GNAS-AS1: variants seen among roughly 807,000 people sequenced by gnomAD.
GNAS-AS1 encodes the protein GNAS antisense RNA 1.
chr20:58,827,016 T>G (rs1380830532), intron 4 of GNAS-AS1: 1 of 151,828 alleles, frequency 6.6e-6, no homozygotes, highest in African/African-American at 2.4e-5. Flanking sequence ...CTGGCTGAAC[T>G]ATGTTATTTC....
chr20:58,836,717 G>C (rs557641360), intron 4 of GNAS-AS1, among the ~76,000 whole-genome samples: 1 of 152,348 alleles, frequency 6.6e-6, no homozygotes, highest in East Asian at 1.9e-4. Context: ...AGCATCTGCT[G>C]TACGGCTCCA....
At chr20:58,836,579 C>G (rs1306147334) in intron 4 of GNAS-AS1, 1 of 152,242 alleles carries the variant, frequency 6.6e-6, no homozygotes, top group Non-Finnish European at 1.5e-5. Context: ...TATTTACCAG[C>G]AGACAGAGAG....
exon 1 of GNAS-AS1, chr20:58,850,863 C>T (rs2086135626): frequency 2.5e-6 from 1 of 398,918 alleles, no homozygotes; most frequent in East Asian, 3.6e-5. Context: ...TCCAACCACC[C>T]CAGCAGCACC....
chr20:58,827,737 A>C (rs1294974652), intron 4 of GNAS-AS1, among the ~76,000 whole-genome samples: 3 of 152,230 alleles, frequency 2.0e-5, no homozygotes, highest in Admixed American at 2.0e-4. Flanking sequence ...AATGAAACAC[A>C]TGAAACTATG....
intron 4 of GNAS-AS1, among the ~76,000 whole-genome samples, chr20:58,831,110 A>G (rs908436849): frequency 1.3e-5 from 2 of 152,204 alleles, no homozygotes; most frequent in African/African-American, 4.8e-5. Context: ...ACCCAAAAGA[A>G]TAAACTAAAA....
intron 2 of GNAS-AS1, among the ~76,000 whole-genome samples, chr20:58,847,745 T>C (rs2085990884): frequency 6.6e-6 from 1 of 152,194 alleles, no homozygotes; most frequent in Non-Finnish European, 1.5e-5. Flanking sequence ...TCCCTTCCCT[T>C]TCACCCACCT....
In GNAS-AS1 at chr20:58,834,080, T is replaced by A. The variant is rs1018234423; in HGVS notation, n.819+7857A>T. 2.6e-5 allele frequency: 4 copies of A among 152,108 alleles called. No homozygotes were observed. In the South Asian group the frequency reaches 8.3e-4, roughly 32 times the overall value. The allele number at this position is 152,108 out of a possible 1,614,324, so 9.4% of individuals were successfully genotyped here. ...GCCTAAACCGTGACAACACTAAGGG[T>A]TTCTCCCCTCCGGGCTCGAGGCGCG... On this transcript the variant is annotated intron_variant and non_coding_transcript_variant, in intron 4 of 4. Coordinates refer to ENST00000424094, the Ensembl canonical transcript of GNAS-AS1.
At chr20:58,850,716 C>CCCAA (rs2086125778) in exon 1 of GNAS-AS1, 1 of 398,828 alleles carries the variant, frequency 2.5e-6, no homozygotes, top group African/African-American at 2.1e-5. Context: ...CATCAACACA[C>CCCAA]CCAAGGGTTG....
intron 4 of GNAS-AS1, among the ~76,000 whole-genome samples, chr20:58,837,227 G>A (rs969082576): frequency 6.6e-6 from 1 of 152,138 alleles, no homozygotes; most frequent in African/African-American, 2.4e-5. Context: ...TCCATATGCT[G>A]TCGATGGAGC....
chr20:58,836,556 T>C (rs367571659), intron 4 of GNAS-AS1: 3 of 152,234 alleles, frequency 2.0e-5, no homozygotes, highest in Non-Finnish European at 4.4e-5. Context: ...GCAAGTGATA[T>C]ATGCCCATAC....
chr20:58,833,284 G>A (rs1285776837), intron 4 of GNAS-AS1, among the ~76,000 whole-genome samples: 2 of 152,132 alleles, frequency 1.3e-5, no homozygotes, highest in Admixed American at 6.5e-5. Flanking sequence ...GAGAAGTGAC[G>A]GCTGCTTCCT....
chr20:58,840,642 C>A lies in GNAS-AS1; in HGVS notation n.819+1295G>T, dbSNP rs749569559. 5 of 1,605,558 alleles carry A rather than the reference C, an allele frequency of 3.1e-6. No individual in the cohort carries two copies. In the South Asian group the frequency reaches 4.4e-5, roughly 14 times the overall value. On this transcript the variant is annotated intron_variant and non_coding_transcript_variant, in intron 4 of 4. Transcript: ENST00000424094. The surrounding 1 kb of genome is among the most constrained non-coding windows in gnomAD (Gnocchi z 6.0). ...CCCGACGCCTCCCCAAGTCGCGCGC[C>A]GCCCAGCACTCAGGAGCCCCAGAGC...
intron 4 of GNAS-AS1, among the ~76,000 whole-genome samples, chr20:58,832,617 G>A (rs961087960): frequency 7.2e-5 from 11 of 152,108 alleles, no homozygotes; most frequent in East Asian, 1.9e-4. Flanking sequence ...GGAAAATGTC[G>A]CAATTTCACT....
intron 4 of GNAS-AS1, among the ~76,000 whole-genome samples, chr20:58,825,097 G>A (rs894982856): frequency 6.6e-6 from 1 of 152,232 alleles, no homozygotes; most frequent in Non-Finnish European, 1.5e-5. Context: ...GGTAAAGGCA[G>A]ATCAAGACAA....
At chr20:58,835,089 A>C (rs1336717135) in intron 4 of GNAS-AS1, among the ~76,000 whole-genome samples, 2 of 151,414 alleles carry the variant, frequency 1.3e-5, no homozygotes, top group Non-Finnish European at 2.9e-5. Flanking sequence ...CTCTCTGGGG[A>C]ACAGGCGGGA....
exon 5 of GNAS-AS1, chr20:58,818,945 C>T (rs1238464483): frequency 1.8e-5 from 7 of 398,070 alleles, no homozygotes; most frequent in Admixed American, 8.8e-5. Context: ...GAGGGCCTGC[C>T]GGGCCTTTAT....
intron 2 of GNAS-AS1, among the ~76,000 whole-genome samples, chr20:58,846,945 C>G (rs2085963268): frequency 6.6e-6 from 1 of 152,174 alleles, no homozygotes; most frequent in Non-Finnish European, 1.5e-5. Flanking sequence ...CCACTTTTGC[C>G]TCTCTCTTAG....
chr20:58,842,275 TG>T (rs2085768334), intron 3 of GNAS-AS1: 1 of 397,948 alleles, frequency 2.5e-6, no homozygotes, highest in African/African-American at 2.1e-5. Context: ...ACTTGGAAAT[TG>T]ATTTTTTTTT....
chr20:58,850,882 C>T (rs529489816), exon 1 of GNAS-AS1: 2 of 398,784 alleles, frequency 5.0e-6, no homozygotes, highest in East Asian at 7.1e-5. Flanking sequence ...CCTCTTCGGG[C>T]GTTCCAACGC....
Sources: allele counts gnomAD v4.1 joint callset (sites outside exome capture counted in the v4.1 genomes callset), GRCh38; gene constraint gnomAD v4.1.1; non-coding constraint Gnocchi (gnomAD v3.1); transcripts MANE v1.5; gene names NCBI Gene and HGNC (gene_info 2026-07-23, HGNC 2026-07-21).